Variants in PDE3A observed in about 807,000 individuals in gnomAD.
PDE3A encodes phosphodiesterase 3A.
In PDE3A, 43 loss-of-function variants were observed where a neutral mutation model predicts 98.3. The ratio of observed to expected loss-of-function variants is 0.44; its 90% CI spans 0.34 to 0.56. The LOEUF (loss-of-function observed/expected upper bound fraction) is 0.56. Among genes scored for constraint, PDE3A ranks in the 20% least tolerant of loss-of-function variants. The pLI is 0.01. For missense variants in PDE3A, 1,427 were observed against 1,440.7 expected (o/e 0.99, Z 0.15); for synonymous variants, 663 against 567.9 (o/e 1.17, Z -2.38).
intron 7 of PDE3A, 29 bp downstream of exon 7, chr12:20,633,807 CA>C: frequency 7.4e-7 from 1 of 1,347,834 alleles, no homozygotes; most frequent in Non-Finnish European, 1.0e-6. Context: ...TTCTGTTGCC[CA>C]AAATGGAAAT....
intron 1 of PDE3A, among the ~76,000 whole-genome samples, chr12:20,518,078 T>C (rs1946354979): frequency 6.6e-6 from 1 of 152,184 alleles, no homozygotes; most frequent in Admixed American, 6.5e-5. Context: ...CTATGTACTA[T>C]TTGAATATCA....
At chr12:20,427,147 G>A (rs1465859441) in intron 1 of PDE3A, among the ~76,000 whole-genome samples, 3 of 152,210 alleles carry the variant, frequency 2.0e-5, no homozygotes, top group Admixed American at 2.0e-4. Flanking sequence ...AATTAAGAAT[G>A]ATTTCATGCA....
At chr12:20,435,205 A>G (rs1031846687) in intron 1 of PDE3A, among the ~76,000 whole-genome samples, 1 of 152,212 alleles carries the variant, frequency 6.6e-6, no homozygotes, top group Non-Finnish European at 1.5e-5. Context: ...TTGTTACTGT[A>G]GAGTCAACTG....
At chr12:20,400,378 GGTTTTTTTTT>G (rs1944100560) in intron 1 of PDE3A, among the ~76,000 whole-genome samples, 1 of 106,112 alleles carries the variant, frequency 9.4e-6, no homozygotes, top group African/African-American at 4.2e-5. Context: ...CGTTAACATT[GGTTTTTTTTT>G]TTTTTTTTTT....
intron 15 of PDE3A, among the ~76,000 whole-genome samples, chr12:20,676,498 CTT>C (rs60887487): frequency 0.027 from 2,914 of 109,142 alleles, 70 homozygotes; most frequent in African/African-American, 0.082. Flanking sequence ...ATGTCTTTGA[CTT>C]TTTTTTTTTT....
chr12:20,493,538 A>G (rs894261926), intron 1 of PDE3A, among the ~76,000 whole-genome samples: 1 of 152,162 alleles, frequency 6.6e-6, no homozygotes, highest in Non-Finnish European at 1.5e-5. Flanking sequence ...CCAAGGGTTG[A>G]CTATATGTAC....
chr12:20,670,611 C>T (rs1050259331), intron 15 of PDE3A, among the ~76,000 whole-genome samples: 6 of 151,378 alleles, frequency 4.0e-5, no homozygotes, highest in South Asian at 2.1e-4. Flanking sequence ...GGGTACATAA[C>T]GAAATGAAGG....
intron 15 of PDE3A, among the ~76,000 whole-genome samples, chr12:20,677,972 A>C (rs538858860): frequency 2.1e-4 from 32 of 151,302 alleles, no homozygotes; most frequent in African/African-American, 7.6e-4. Flanking sequence ...TGTGATGTGA[A>C]TCAGTCTTTA....
intron 1 of PDE3A, among the ~76,000 whole-genome samples, chr12:20,449,162 GT>G (rs1945016885): frequency 6.6e-6 from 1 of 152,164 alleles, no homozygotes; most frequent in African/African-American, 2.4e-5. Context: ...GACCTAAATG[GT>G]GAAAAGATTT....
chr12:20,408,538 A>T lies in PDE3A; in HGVS notation c.960+38294A>T, dbSNP rs563210370. Among the ~76,000 whole-genome samples the T allele has an allele frequency of 7.9e-5, 12 of 152,324 alleles. No homozygotes were observed. The South Asian group carries it at 2.3e-3, about 29-fold the overall frequency. On this transcript the variant is annotated intron_variant, in intron 1 of 15. Transcript: ENST00000359062. ...TAACTTTAACTTGCAGATGGCGTTC[A>T]TTAAAGAGTTTCTTTTCATAAGGGT...
chr12:20,570,337 G>A (rs1398657414), intron 2 of PDE3A, among the ~76,000 whole-genome samples: 2 of 146,066 alleles, frequency 1.4e-5, no homozygotes, highest in African/African-American at 5.1e-5. Flanking sequence ...GAACCCAGGA[G>A]GTGGAGGTTG....
At chr12:20,515,232 A>C (rs377352646) in intron 1 of PDE3A, among the ~76,000 whole-genome samples, 8 of 152,340 alleles carry the variant, frequency 5.3e-5, no homozygotes, top group African/African-American at 1.9e-4. Context: ...TTAAGAATTT[A>C]ATGAGACAAT....
At chr12:20,435,091 T>G (rs1481658686) in intron 1 of PDE3A, among the ~76,000 whole-genome samples, 1 of 152,200 alleles carries the variant, frequency 6.6e-6, no homozygotes, top group Non-Finnish European at 1.5e-5. Context: ...TTTTCCTGAG[T>G]GCTGGAGCAC....
chr12:20,442,952 C>A (rs1451177822), intron 1 of PDE3A, among the ~76,000 whole-genome samples: 2 of 151,792 alleles, frequency 1.3e-5, no homozygotes, highest in Admixed American at 6.6e-5. Context: ...ATATATCATG[C>A]TTTGAGGGAT....
intron 1 of PDE3A, among the ~76,000 whole-genome samples, chr12:20,441,422 T>C (rs1038758020): frequency 6.6e-6 from 1 of 152,118 alleles, no homozygotes; most frequent in African/African-American, 2.4e-5. Context: ...TGAAGAAGAA[T>C]AGTGCAATTA....
At chr12:20,490,283 T>G (rs7486880) in intron 1 of PDE3A, among the ~76,000 whole-genome samples, 152,100 of 152,288 alleles carry the variant, frequency 1, 75,957 homozygotes, top group Middle Eastern at 1. Context: ...TAAAAATGGA[T>G]ATTGAAATTT....
intron 15 of PDE3A, among the ~76,000 whole-genome samples, chr12:20,660,011 C>T (rs1945127032): frequency 1.3e-5 from 2 of 152,052 alleles, no homozygotes; most frequent in African/African-American, 4.8e-5. Flanking sequence ...ACCCAACCCT[C>T]ATCTTGAATT....
At chr12:20,594,885 C>T (rs576226852) in intron 2 of PDE3A, among the ~76,000 whole-genome samples, 11 of 151,954 alleles carry the variant, frequency 7.2e-5, no homozygotes, top group African/African-American at 2.7e-4. Flanking sequence ...TAAAACTGTT[C>T]TCCTAAACTG....
chr12:20,378,425 A>G (rs1365396052), intron 1 of PDE3A, among the ~76,000 whole-genome samples: 2 of 151,842 alleles, frequency 1.3e-5, no homozygotes, highest in Admixed American at 1.3e-4. Flanking sequence ...AAATACATTT[A>G]TTATGTGTAT....
Sources: allele counts gnomAD v4.1 joint callset (sites outside exome capture counted in the v4.1 genomes callset), GRCh38; gene constraint gnomAD v4.1.1; transcripts MANE v1.5; gene names NCBI Gene and HGNC (gene_info 2026-07-23, HGNC 2026-07-21).